CLIP1: variants seen among roughly 807,000 people sequenced by gnomAD.
CLIP1 encodes CAP-Gly domain-containing linker protein 1.
Under a neutral mutation model 161.6 loss-of-function variants are expected in CLIP1, and 66 were observed. That is an observed-to-expected ratio of 0.41 (90% CI 0.33 to 0.50). CLIP1 has a LOEUF of 0.50. Among genes scored for constraint, CLIP1 ranks in the 20% least tolerant of loss-of-function variants. The pLI is 0.27. For synonymous variants in CLIP1, 598 were observed against 626.2 expected, an observed-to-expected ratio of 0.96 and a Z score of 0.67; for missense variants, 1,376 against 1,702.0, an observed-to-expected ratio of 0.81 and a Z score of 3.37.
At chr12:122,289,425 A>G (rs1376326868) in intron 20 of CLIP1, among the ~76,000 whole-genome samples, 1 of 151,876 alleles carries the variant, frequency 6.6e-6, no homozygotes, top group African/African-American at 2.4e-5. Flanking sequence ...TCTAAAAAAA[A>G]AAAATTGTTA....
intron 1 of CLIP1, among the ~76,000 whole-genome samples, chr12:122,389,851 C>T (rs2136951530): frequency 7.0e-6 from 1 of 142,444 alleles, no homozygotes; most frequent in East Asian, 2.2e-4. Context: ...TCATGTTGAA[C>T]TGTCAACACC....
intron 20 of CLIP1, among the ~76,000 whole-genome samples, chr12:122,291,192 C>A (rs2136316530): frequency 6.6e-6 from 1 of 150,860 alleles, no homozygotes; most frequent in South Asian, 2.1e-4. Context: ...TGCGCCCGAC[C>A]CTTTTCTTTT....
Position 122,278,932 on chromosome 12 carries a change from A to G in CLIP1, c.3776T>C (p.Leu1259Pro), listed in dbSNP as rs1017694955. 1 of 1,609,082 alleles carries G rather than the reference A, an allele frequency of 6.2e-7. No individual in the cohort carries two copies. The highest frequency in any genetic ancestry group is 8.5e-7 in the Non-Finnish European group (1 of 1,178,762). Residue 1259 changes from leucine to proline, a missense_variant, in exon 23 of 26, where the codon CTC (leucine) becomes CCC (proline). Transcript: ENST00000620786. ...CTTGGCAGAGGCGTTTTCTCCCCTG[A>G]GCACTGTGACCTGAAACACAGTTGT... ...LEKLRNEVTV[L>P]RGENASAKSL...
At position 122,279,816 on chromosome 12, in the gene CLIP1, G is replaced by A. The variant is rs141653242; in HGVS notation, c.3648-671C>T. On this transcript the variant is annotated intron_variant, in intron 21 of 25. Coordinates refer to ENST00000620786, the MANE Select transcript of CLIP1 (RefSeq NM_001247997.2). This position sits in a 1 kb window ranked among gnomAD's most constrained non-coding sequence, Gnocchi z 4.5. ...AGGCTAGAACAGAAAATGTTAAAAT[G>A]GTTTTCTCAGGTGCAGAATGAAAGC... 8.9e-4 allele frequency: 135 copies of A among 152,284 alleles called. No homozygotes were observed. Among genetic ancestry groups the A allele is most frequent in the African/African-American group, 3.2e-3 (133 of 41,558 alleles). The allele number at this position is 152,284 out of a possible 1,614,324, so 9.4% of individuals were successfully genotyped here.
chr12:122,291,635 G>A (rs1950254978), intron 20 of CLIP1, among the ~76,000 whole-genome samples: 1 of 152,192 alleles, frequency 6.6e-6, no homozygotes, highest in African/African-American at 2.4e-5. Flanking sequence ...GAACACCACA[G>A]AAGTAATCCT....
rs1246038134 is a variant in CLIP1, at chr12:122,360,859, C to T, written c.1005+100G>A. The T allele has an allele frequency of 3.0e-5, 30 of 985,604 alleles. 1 individual carries two copies. The Admixed American group carries it at 8.4e-4, about 28-fold the overall frequency. 61.1% of individuals were successfully genotyped at this position (985,604 alleles called of 1,614,324 possible). Reference sequence around the variant, plus strand: ...CAAAAGCTGTGAGCAACATTCAGCACAAGGACAAGCAAAGCAGCAAAGCAG... The same window carrying T: ...CAAAAGCTGTGAGCAACATTCAGCATAAGGACAAGCAAAGCAGCAAAGCAG... On this transcript the variant is annotated intron_variant, in intron 5 of 25. Coordinates refer to ENST00000620786, the MANE Select transcript of CLIP1 (RefSeq NM_001247997.2).
chr12:122,312,866 G>A (rs1393469279), intron 19 of CLIP1, among the ~76,000 whole-genome samples: 2 of 152,270 alleles, frequency 1.3e-5, no homozygotes, highest in Admixed American at 6.5e-5. Context: ...CAGAGGACAC[G>A]CAAAACCCCA....
Position 122,274,119 on chromosome 12 carries a change from T to G in CLIP1, c.4010A>C (p.Asn1337Thr). Reference sequence around the variant, plus strand: ...CTCCACCTTCATCTTGAGGTCTTGATTCTTCCTTTGAAGGTCCACTATTAC... The same window carrying G: ...CTCCACCTTCATCTTGAGGTCTTGAGTCTTCCTTTGAAGGTCCACTATTAC... Reference protein sequence around the residue: ...NSVIVDLQRKNQDLKMKVEMM... With the variant: ...NSVIVDLQRKTQDLKMKVEMM... The change falls in exon 25 of 26, where the codon AAT (asparagine) becomes ACT (threonine). Residue 1337 changes from asparagine (N) to threonine (T), a missense_variant. Asn to Thr is a moderately conservative substitution (Grantham distance 65). Transcript: ENST00000620786. The G allele has an allele frequency of 6.2e-7, 1 of 1,610,826 alleles. No individual in the cohort carries two copies. Among genetic ancestry groups the G allele is most frequent in the Non-Finnish European group, 8.5e-7 (1 of 1,177,034 alleles).
intron 21 of CLIP1, among the ~76,000 whole-genome samples, chr12:122,286,520 TAAAAAAAAAAAAAAAAAA>T (rs57260606): frequency 4.2e-4 from 12 of 28,256 alleles, no homozygotes; most frequent in Admixed American, 3.2e-3. Flanking sequence ...GACTCTGTCT[TAAAAAAAAAAAAAAAAAA>T]AAAAAAAAAA....
intron 10 of CLIP1, chr12:122,341,939 A>C (rs901372498): frequency 3.7e-6 from 1 of 273,334 alleles, no homozygotes; most frequent in African/African-American, 2.2e-5. Context: ...ATGCGCCACC[A>C]CACCCAGCTA....
At chr12:122,349,025 C>T (rs1462215341) in intron 9 of CLIP1, among the ~76,000 whole-genome samples, 3 of 152,158 alleles carry the variant, frequency 2.0e-5, no homozygotes, top group African/African-American at 7.2e-5. Flanking sequence ...CCTGCTTCAG[C>T]TCTGTATACT....
Position 122,328,182 on chromosome 12 carries a change from G to A in CLIP1, c.3034-20C>T. 1 of 1,613,622 alleles carries A rather than the reference G, an allele frequency of 6.2e-7. No individual in the cohort carries two copies. Among genetic ancestry groups the A allele is most frequent in the Non-Finnish European group, 8.5e-7 (1 of 1,179,880 alleles). ...CTTTTCCTGCAGAGACCCCGAATGA[G>A]GGAATGAGTCATCTGCCCATGCGTG... On this transcript the variant is annotated intron_variant, in intron 16 of 25. Transcript: ENST00000620786.
At chr12:122,407,742 C>T (rs1956376628) in intron 1 of CLIP1, among the ~76,000 whole-genome samples, 1 of 52,496 alleles carries the variant, frequency 1.9e-5, no homozygotes, top group Non-Finnish European at 2.9e-5. Flanking sequence ...TGGTGAGACC[C>T]TGTCTCAAAA....
chr12:122,356,202 T>C (rs1370915342), intron 5 of CLIP1: 1 of 152,242 alleles, frequency 6.6e-6, no homozygotes, highest in Non-Finnish European at 1.5e-5. Flanking sequence ...CTTCTCTTGC[T>C]AATATTTCTT....
At chr12:122,397,905 A>G (rs1955985854) in intron 1 of CLIP1, among the ~76,000 whole-genome samples, 1 of 152,014 alleles carries the variant, frequency 6.6e-6, no homozygotes, top group South Asian at 2.1e-4. Flanking sequence ...CAGTGAGCCA[A>G]GATTGTGCCA....
intron 3 of CLIP1, among the ~76,000 whole-genome samples, chr12:122,374,056 A>G (rs1954589527): frequency 6.6e-6 from 1 of 152,194 alleles, no homozygotes. Flanking sequence ...AAAGACCTGT[A>G]TAACAAGTGT....
chr12:122,291,983 A>G (rs894297395), intron 20 of CLIP1, among the ~76,000 whole-genome samples: 3 of 151,848 alleles, frequency 2.0e-5, no homozygotes, highest in Non-Finnish European at 4.4e-5. Flanking sequence ...AAGGGCTTTC[A>G]TTTTCCATTC....
intron 1 of CLIP1, among the ~76,000 whole-genome samples, chr12:122,389,640 GC>G (rs1180117267): frequency 6.6e-6 from 1 of 150,772 alleles, no homozygotes; most frequent in Non-Finnish European, 1.5e-5. Flanking sequence ...ATGCCTGTAG[GC>G]CCAGCTACTT....
chr12:122,356,780 GGC>G lies in CLIP1; in HGVS notation c.1006-1470_1006-1469del, dbSNP rs1195220051. Reference sequence around the variant, plus strand: ...AGCCTGCCGAGTGCCTGCGATTGCAGGCGCGCGCCGCCACGCCTGACTGGTTT... The same window carrying G: ...AGCCTGCCGAGTGCCTGCGATTGCAGGCGCGCCGCCACGCCTGACTGGTTT... On this transcript the variant is annotated intron_variant, in intron 5 of 25. Transcript: ENST00000620786. Among the ~76,000 whole-genome samples the G allele has an allele frequency of 7.2e-5, 11 of 152,308 alleles. No homozygotes were observed. The East Asian group carries it at 1.7e-3, about 24-fold the overall frequency.
Sources: gnomAD v4.1 joint callset for allele counts (sites outside exome capture counted in the v4.1 genomes callset) on GRCh38, gnomAD v4.1.1 for gene constraint, Gnocchi (gnomAD v3.1) non-coding constraint, MANE v1.5 for transcripts, NCBI Gene and HGNC (gene_info 2026-07-23, HGNC 2026-07-21) for gene names.